The following CTNNBIP1 variants were observed in gnomAD, a reference collection of about 807,000 sequenced individuals.
The protein encoded by CTNNBIP1 is beta-catenin-interacting protein 1.
CTNNBIP1 carries 7 observed loss-of-function variants against 11.8 expected under a neutral mutation model. That is an observed-to-expected ratio of 0.60 (90% CI 0.34 to 1.12). CTNNBIP1 has a LOEUF of 1.12. Among genes scored for constraint, CTNNBIP1 ranks in the 50% most tolerant of loss-of-function variants. The pLI, the probability that CTNNBIP1 is intolerant of heterozygous loss-of-function variation, is 0.03. For missense variants in CTNNBIP1, 101 were observed against 113.4 expected (o/e 0.89, Z 0.50); for synonymous variants, 58 against 43.9 (o/e 1.32, Z -1.26).
At chr1:9,864,365 G>T (rs1457328411) in intron 5 of CTNNBIP1, among the ~76,000 whole-genome samples, 1 of 152,220 alleles carries the variant, frequency 6.6e-6, no homozygotes, top group Non-Finnish European at 1.5e-5. Flanking sequence ...GTCTCGCTCT[G>T]TCGCCCAGGC....
chr1:9,887,208 T>C lies in CTNNBIP1; in HGVS notation c.-143-3470A>G, dbSNP rs374535276. 3.7e-4 allele frequency among the ~76,000 whole-genome samples: 56 copies of C among 152,198 alleles called. 2 individuals are homozygous for C. The South Asian group carries it at 0.012, about 32-fold the overall frequency. On this transcript the variant is annotated intron_variant, in intron 1 of 5. Transcript: ENST00000377263. The stretch of plus-strand genomic sequence containing the variant: ...GCATTTTCTAAGTCCAGGCACAGAG[T>C]GGCAGAGTCAGTCAGCCCTCACAAG...
At chr1:9,856,607 G>A (rs968009023) in intron 5 of CTNNBIP1, among the ~76,000 whole-genome samples, 29 of 148,616 alleles carry the variant, frequency 2.0e-4, no homozygotes, top group African/African-American at 6.7e-4. Context: ...TCCGCCTCCC[G>A]CATTCAAGCG....
At position 9,851,220 on chromosome 1, in the gene CTNNBIP1, C is replaced by T. The variant is rs1053934113; in HGVS notation, c.188-444G>A. Among the ~76,000 whole-genome samples the T allele has an allele frequency of 6.6e-6, 1 of 152,198 alleles. No individual in the cohort carries two copies. On this transcript the variant is annotated intron_variant, in intron 5 of 5. Coordinates refer to ENST00000377263, the MANE Select transcript of CTNNBIP1 (RefSeq NM_020248.3). The surrounding 1 kb of genome is among the most constrained non-coding windows in gnomAD (Gnocchi z 4.8). ...CTGGCTCACTGTGGTTTTAAATAGC[C>T]ATTCCTCTTTGCAGCAGCTTCTCCT...
At chr1:9,882,416 T>C (rs994356681) in intron 2 of CTNNBIP1, among the ~76,000 whole-genome samples, 4 of 152,248 alleles carry the variant, frequency 2.6e-5, no homozygotes, top group African/African-American at 4.8e-5. Flanking sequence ...AAGGTTAAGT[T>C]TGAGTCGCCT....
intron 5 of CTNNBIP1, among the ~76,000 whole-genome samples, chr1:9,858,667 G>C (rs952058846): frequency 8.5e-5 from 13 of 152,182 alleles, no homozygotes; most frequent in African/African-American, 3.1e-4. Flanking sequence ...TACCCACAGA[G>C]CTCTATATTG....
intron 3 of CTNNBIP1, among the ~76,000 whole-genome samples, chr1:9,876,813 A>G (rs1638976487): frequency 6.6e-6 from 1 of 151,002 alleles, no homozygotes; most frequent in Non-Finnish European, 1.5e-5. Context: ...CATACCTTCA[A>G]TTTAGACACA....
chr1:9,889,531 CCT>C (rs1303114255), intron 1 of CTNNBIP1, among the ~76,000 whole-genome samples: 1 of 152,198 alleles, frequency 6.6e-6, no homozygotes, highest in Non-Finnish European at 1.5e-5. Context: ...TCCTTCCCTC[CCT>C]GATTCCTGAG....
At chr1:9,859,342 G>GA (rs1022137094) in intron 5 of CTNNBIP1, among the ~76,000 whole-genome samples, 20 of 152,246 alleles carry the variant, frequency 1.3e-4, no homozygotes, top group African/African-American at 4.8e-4. Context: ...TGACTGGGGA[G>GA]AAAAAATGAC....
At chr1:9,870,165 C>T (rs566635832) in intron 5 of CTNNBIP1, among the ~76,000 whole-genome samples, 25 of 152,354 alleles carry the variant, frequency 1.6e-4, no homozygotes, top group Admixed American at 4.6e-4. Context: ...GGTCAGGCCC[C>T]GCATGCCAGC....
At chr1:9,856,702 C>T (rs557057849) in intron 5 of CTNNBIP1, among the ~76,000 whole-genome samples, 42 of 151,628 alleles carry the variant, frequency 2.8e-4, no homozygotes, top group Non-Finnish European at 5.0e-4. Flanking sequence ...TTAGTAGAGA[C>T]GGGGTTTCAC....
chr1:9,876,841 T>TAC (rs1368991651), intron 3 of CTNNBIP1, among the ~76,000 whole-genome samples: 2 of 97,388 alleles, frequency 2.1e-5, no homozygotes, highest in East Asian at 2.5e-4. Context: ...ACTCCTGCTA[T>TAC]ACATACACAC....
chr1:9,860,428 T>TAA lies in CTNNBIP1; in HGVS notation c.188-9654_188-9653dup, dbSNP rs58165059. 4.8e-4 allele frequency among the ~76,000 whole-genome samples: 22 copies of TAA among 45,542 alleles called. 1 individual carries two copies. Among genetic ancestry groups the TAA allele is most frequent in the East Asian group, 1.2e-3 (2 of 1,730 alleles). The allele number at this position is 45,542 out of a possible 152,430, so 29.9% of individuals were successfully genotyped here. ...CAACATGGTGAAACCCCGTCTCTAC[T>TAA]AAAAAAAAAAAAAAAAAAAAAAAAA... On this transcript the variant is annotated intron_variant, in intron 5 of 5. Transcript: ENST00000377263.
intron 1 of CTNNBIP1, among the ~76,000 whole-genome samples, chr1:9,902,880 C>T (rs1034775409): frequency 4.6e-5 from 7 of 152,144 alleles, no homozygotes; most frequent in Admixed American, 1.3e-4. Flanking sequence ...ATTCTCCTGC[C>T]TCAGCCTCCC....
chr1:9,859,032 C>G (rs1051250741), intron 5 of CTNNBIP1, among the ~76,000 whole-genome samples: 1 of 152,164 alleles, frequency 6.6e-6, no homozygotes, highest in Non-Finnish European at 1.5e-5. Context: ...ACCACCAAAG[C>G]AGCCCAGGGA....
At chr1:9,863,113 C>A (rs1367513131) in intron 5 of CTNNBIP1, among the ~76,000 whole-genome samples, 2 of 151,954 alleles carry the variant, frequency 1.3e-5, no homozygotes, top group Non-Finnish European at 2.9e-5. Flanking sequence ...GGGGTCAAAG[C>A]GACCCTCCCT....
chr1:9,892,956 C>A (rs1639340322), intron 1 of CTNNBIP1: 1 of 152,186 alleles, frequency 6.6e-6, no homozygotes, highest in African/African-American at 2.4e-5. Flanking sequence ...ATCAACAATG[C>A]TTTAAACAAA....
chr1:9,871,326 G>T lies in CTNNBIP1; in HGVS notation c.97-49C>A. On this transcript the variant is annotated intron_variant, in intron 4 of 5. Transcript: ENST00000377263. This position sits in a 1 kb window ranked among gnomAD's most constrained non-coding sequence, Gnocchi z 5.2. ...GAGGGGCAGCATGCACCTGTTCCCT[G>T]AAAGGCACCTGCACCCCTAGAGGCA... 1 of 1,380,886 alleles carries T rather than the reference G, an allele frequency of 7.2e-7. No homozygotes were observed. The highest frequency in any genetic ancestry group is 1.0e-6 in the Non-Finnish European group (1 of 995,986). 85.5% of individuals were successfully genotyped at this position (1,380,886 alleles called of 1,614,324 possible).
intron 1 of CTNNBIP1, among the ~76,000 whole-genome samples, chr1:9,894,401 G>A (rs189226065): frequency 5.3e-5 from 8 of 152,302 alleles, no homozygotes; most frequent in Non-Finnish European, 1.2e-4. Flanking sequence ...TGTCACACAG[G>A]GTGGAGTGCA....
intron 5 of CTNNBIP1, among the ~76,000 whole-genome samples, chr1:9,869,094 G>A (rs1261723728): frequency 2.6e-5 from 4 of 151,212 alleles, no homozygotes; most frequent in Admixed American, 2.0e-4. Flanking sequence ...CAACCTCCTG[G>A]GCTCAAGCGA....
Sources: gnomAD v4.1 joint callset for allele counts (sites outside exome capture counted in the v4.1 genomes callset) on GRCh38, gnomAD v4.1.1 for gene constraint, Gnocchi (gnomAD v3.1) non-coding constraint, MANE v1.5 for transcripts, NCBI Gene and HGNC (gene_info 2026-07-23, HGNC 2026-07-21) for gene names.